Variants in PACRG observed in about 807,000 individuals in gnomAD.
PACRG encodes the protein parkin coregulated gene protein.
In PACRG, 29 loss-of-function variants were observed where a neutral mutation model predicts 29.7. That is an observed-to-expected ratio of 0.98 (90% CI 0.73 to 1.33). The LOEUF (loss-of-function observed/expected upper bound fraction) is 1.33. Ranked by LOEUF, PACRG falls within the 40% of genes most tolerant of loss-of-function variation. The pLI is 0.00. For missense variants in PACRG, 279 were observed against 316.2 expected, an observed-to-expected ratio of 0.88 and a Z score of 0.89; for synonymous variants, 116 against 118.7, an observed-to-expected ratio of 0.98 and a Z score of 0.15.
At chr6:162,946,167 A>G (rs1798987847) in intron 2 of PACRG, among the ~76,000 whole-genome samples, 1 of 152,090 alleles carries the variant, frequency 6.6e-6, no homozygotes. Flanking sequence ...CCAGAGCAGA[A>G]CTAAATAAAA....
intron 4 of PACRG, among the ~76,000 whole-genome samples, chr6:163,298,367 G>T (rs1784863798): frequency 6.6e-6 from 1 of 152,066 alleles, no homozygotes; most frequent in African/African-American, 2.4e-5. Context: ...TATAGACGCT[G>T]GATTGGCAAA....
chr6:163,300,797 T>C (rs1562367034), intron 4 of PACRG, among the ~76,000 whole-genome samples: 1 of 90,852 alleles, frequency 1.1e-5, no homozygotes, highest in Non-Finnish European at 2.1e-5. Flanking sequence ...AAATAAAATC[T>C]GCTTCCTCCC....
intron 2 of PACRG, among the ~76,000 whole-genome samples, chr6:162,906,965 A>T (rs1181908063): frequency 2.0e-5 from 3 of 152,252 alleles, no homozygotes; most frequent in African/African-American, 4.8e-5. Flanking sequence ...TGCAAATTAT[A>T]CTCAAATGTG....
chr6:163,016,365 A>G (rs978969629), intron 2 of PACRG: 2 of 152,226 alleles, frequency 1.3e-5, no homozygotes, highest in Non-Finnish European at 2.9e-5. Flanking sequence ...GGAAAAATAC[A>G]AAAATTCTGT....
intron 4 of PACRG, among the ~76,000 whole-genome samples, chr6:163,262,723 A>G (rs1297181566): frequency 2.0e-5 from 3 of 152,008 alleles, no homozygotes; most frequent in Non-Finnish European, 4.4e-5. Flanking sequence ...TTATCAGGAA[A>G]CAAATGGATC....
chr6:162,831,107 G>A (rs750126332), intron 2 of PACRG, among the ~76,000 whole-genome samples: 1 of 152,210 alleles, frequency 6.6e-6, no homozygotes, highest in Middle Eastern at 3.4e-3. Flanking sequence ...ACCCAGAAGA[G>A]TGCAACTTTC....
At chr6:162,955,926 C>T (rs1241075634) in intron 2 of PACRG, among the ~76,000 whole-genome samples, 1 of 152,168 alleles carries the variant, frequency 6.6e-6, no homozygotes, top group Non-Finnish European at 1.5e-5. Context: ...CCTGGGGGGA[C>T]AGCTGGGCTC....
Position 162,862,348 on chromosome 6 carries a change from G to C in PACRG, c.291+48067G>C, listed in dbSNP as rs138930280. Among the ~76,000 whole-genome samples the C allele has an allele frequency of 4.0e-3, 610 of 152,238 alleles. 3 individuals are homozygous for C. The highest frequency in any genetic ancestry group is 7.1e-3 in the Admixed American group (108 of 15,294). ...GAGGGAAGTGCTGGCTGAACCTCTT[G>C]GGACCCCCTGTATACTCTGTGGTGG... On this transcript the variant is annotated intron_variant, in intron 2 of 4. Coordinates refer to ENST00000366888, the MANE Select transcript of PACRG (RefSeq NM_001080379.2).
intron 4 of PACRG, among the ~76,000 whole-genome samples, chr6:163,269,939 G>GAAAGAAAGAAAGAAAGAAAGAAAGAAAAC (rs1783730245): frequency 5.0e-5 from 1 of 19,982 alleles, no homozygotes; most frequent in Admixed American, 5.6e-4. Context: ...AACAAAGAAA[G>GAAAGAAAGAAAGAAAGAAAGAAAGAAAAC]AAAGAAAGAA....
At chr6:162,986,776 T>C (rs1391428238) in intron 2 of PACRG, among the ~76,000 whole-genome samples, 3 of 152,188 alleles carry the variant, frequency 2.0e-5, no homozygotes, top group Non-Finnish European at 4.4e-5. Flanking sequence ...CTTTTAACTC[T>C]GAAGTTGTTT....
chr6:163,011,558 G>A (rs1029144898), intron 2 of PACRG, among the ~76,000 whole-genome samples: 1 of 152,134 alleles, frequency 6.6e-6, no homozygotes, highest in African/African-American at 2.4e-5. Flanking sequence ...GGGTATCACT[G>A]TACACTACCA....
At position 162,942,709 on chromosome 6, in the gene PACRG, T is replaced by C. The variant is rs150185333; in HGVS notation, c.292-119441T>C. ...CCTGTTGATTACTCTGAATTATTTT[T>C]TTCTTGGGTTTCAGTCATTTGGTTT... On this transcript the variant is annotated intron_variant, in intron 2 of 4. Coordinates refer to ENST00000366888, the MANE Select transcript of PACRG (RefSeq NM_001080379.2). 2.2e-3 allele frequency among the ~76,000 whole-genome samples: 331 copies of C among 152,300 alleles called. 2 individuals carry two copies. Among genetic ancestry groups the C allele is most frequent in the African/African-American group, 7.5e-3 (311 of 41,556 alleles).
chr6:162,770,538 C>G (rs1783139888), intron 1 of PACRG, among the ~76,000 whole-genome samples: 1 of 152,164 alleles, frequency 6.6e-6, no homozygotes, highest in African/African-American at 2.4e-5. Context: ...TCATCAATCA[C>G]ATTTCCTCAA....
At chr6:162,759,826 A>G (rs1584263870) in intron 1 of PACRG, among the ~76,000 whole-genome samples, 1 of 152,206 alleles carries the variant, frequency 6.6e-6, no homozygotes, top group Admixed American at 6.5e-5. Context: ...CACTGTTCTA[A>G]AAGTCCGATA....
chr6:162,838,592 A>T (rs1288451884), intron 2 of PACRG, among the ~76,000 whole-genome samples: 1 of 150,956 alleles, frequency 6.6e-6, no homozygotes, highest in Non-Finnish European at 1.5e-5. Flanking sequence ...TATTAACATC[A>T]TTTTTTTTTA....
At chr6:162,733,450 CCTA>C (rs1431473172) in intron 1 of PACRG, among the ~76,000 whole-genome samples, 1 of 152,046 alleles carries the variant, frequency 6.6e-6, no homozygotes, top group Non-Finnish European at 1.5e-5. Context: ...CTCATATTCT[CCTA>C]CTTTCTTATT....
At chr6:162,795,968 A>G (rs944743544) in intron 1 of PACRG, among the ~76,000 whole-genome samples, 2 of 152,146 alleles carry the variant, frequency 1.3e-5, no homozygotes, top group Admixed American at 6.5e-5. Flanking sequence ...TTACTTACCA[A>G]TTTTCAGGTG....
intron 4 of PACRG, among the ~76,000 whole-genome samples, chr6:163,138,799 T>A (rs1817039827): frequency 6.6e-6 from 1 of 152,188 alleles, no homozygotes; most frequent in Admixed American, 6.5e-5. Flanking sequence ...TGAATAAAAA[T>A]TTAACTGAAA....
chr6:162,929,157 G>A (rs568374601), intron 2 of PACRG, among the ~76,000 whole-genome samples: 91 of 151,956 alleles, frequency 6.0e-4, no homozygotes, highest in African/African-American at 1.9e-3. Flanking sequence ...TGGATCATAC[G>A]GGAGTTCTAT....
Sources: allele counts gnomAD v4.1 joint callset (sites outside exome capture counted in the v4.1 genomes callset), GRCh38; gene constraint gnomAD v4.1.1; transcripts MANE v1.5; gene names NCBI Gene and HGNC (gene_info 2026-07-23, HGNC 2026-07-21).